The following KRTAP5-11 variants were observed in gnomAD, a reference collection of about 807,000 sequenced individuals.
The protein encoded by KRTAP5-11 is keratin-associated protein 5-11.
For synonymous variants in KRTAP5-11, 88 were observed against 73.0 expected (o/e 1.21, Z -1.05); for missense variants, 202 against 188.7 (o/e 1.07, Z -0.41).
Position 71,582,706 on chromosome 11 carries a change from A to G in KRTAP5-11, c.132T>C (p.Pro44=), listed in dbSNP as rs1379168739. The G allele has an allele frequency of 6.2e-7, 1 of 1,612,368 alleles. No homozygotes were observed. Among genetic ancestry groups the G allele is most frequent in the East Asian group, 2.2e-5 (1 of 44,840 alleles). Residue 44 remains proline, a synonymous_variant, in exon 1 of 1, where the codon CCT becomes CCC. Coordinates refer to ENST00000398530, the MANE Select transcript of KRTAP5-11 (RefSeq NM_001005405.3). ...AACAGGCTGGCACACAGCAGCACAC[A>G]GGCTTGCAGCAGCAAATGGGCACAC... ...SCCVPICCCK[P]VCCCVPACSC...
Position 71,582,755 on chromosome 11 carries a change from C to T in KRTAP5-11, c.83G>A (p.Cys28Tyr). The T allele has an allele frequency of 6.5e-7, 1 of 1,530,138 alleles. No homozygotes were observed. The highest frequency in any genetic ancestry group is 8.8e-7 in the Non-Finnish European group (1 of 1,136,608). The allele number at this position is 1,530,138 out of a possible 1,614,324, so 94.8% of individuals were successfully genotyped here. The change falls in exon 1 of 1, where the codon TGT becomes TAT. Residue 28 changes from cysteine to tyrosine, a missense_variant. Transcript: ENST00000398530. Reference sequence around the variant, plus strand: ...ACAGCAGCTGGAGCCACAGCCCCCACAGCCAGAGCCACAGCCCCCACTGCC... The same window carrying T: ...ACAGCAGCTGGAGCCACAGCCCCCATAGCCAGAGCCACAGCCCCCACTGCC... The part of the protein sequence containing the change: ...GSGSGGCGSG[C>Y]GGCGSSCCVP...
Position 71,582,719 on chromosome 11 carries a change from C to G in KRTAP5-11, c.119G>C (p.Cys40Ser). Reference sequence around the variant, plus strand: ...ACAGCAGCACACAGGCTTGCAGCAGCAAATGGGCACACAGCAGCTGGAGCC... The same window carrying G: ...ACAGCAGCACACAGGCTTGCAGCAGGAAATGGGCACACAGCAGCTGGAGCC... ...GCGSSCCVPI[C>S]CCKPVCCCVP... The change falls in exon 1 of 1, where the codon TGC becomes TCC. Residue 40 changes from cysteine (C) to serine (S), a missense_variant. Physicochemically the swap from Cys to Ser is moderately radical, Grantham distance 112. Coordinates refer to ENST00000398530, the MANE Select transcript of KRTAP5-11 (RefSeq NM_001005405.3). The G allele has an allele frequency of 6.2e-7, 1 of 1,613,340 alleles. No homozygotes were observed. Among genetic ancestry groups the G allele is most frequent in the Non-Finnish European group, 8.5e-7 (1 of 1,179,806 alleles).
rs1170779288 is a variant in KRTAP5-11 at position 71,582,873 on chromosome 11, G to A, written c.-36C>T. 6.2e-7 allele frequency: 1 copy of A among 1,613,812 alleles called. No individual in the cohort carries two copies. The highest frequency in any genetic ancestry group is 8.5e-7 in the Non-Finnish European group (1 of 1,179,924). On this transcript the variant is annotated 5_prime_UTR_variant, in exon 1 of 1. Coordinates refer to ENST00000398530, the MANE Select transcript of KRTAP5-11 (RefSeq NM_001005405.3). ...GATTGAGAGTAGAGCAGGTAGAGGA[G>A]CAGGTGAGAGGGAGGTGCAGGTGTG...
rs1322558946 is a variant in KRTAP5-11, at chr11:71,582,059, G to T, written c.*308C>A. ...CACTCAGGAATGTCGGCCTGGCCTT[G>T]TGGGGTCAGACCTAGCATCTCAGTC... On this transcript the variant is annotated 3_prime_UTR_variant, in exon 1 of 1. Transcript: ENST00000398530. 11 of 512,772 alleles carry T rather than the reference G, an allele frequency of 2.1e-5. No homozygotes were observed. The highest frequency in any genetic ancestry group is 3.5e-5 in the Non-Finnish European group (10 of 282,208). 31.8% of individuals were successfully genotyped at this position (512,772 alleles called of 1,614,324 possible). A position where few individuals can be genotyped will look rare whatever the true frequency, so the allele number is the denominator to read the frequency against.
rs965840573 is a variant in KRTAP5-11 at position 71,582,105 on chromosome 11, A to G, written c.*262T>C. ...CAGTCAGCCCAGGGAGAAGAAGAAG[A>G]TGGTCCACACCCAAGTGCAGGGAAC... On this transcript the variant is annotated 3_prime_UTR_variant, in exon 1 of 1. Transcript: ENST00000398530. 2.9e-6 allele frequency: 2 copies of G among 684,534 alleles called. No individual in the cohort carries two copies. The highest frequency in any genetic ancestry group is 6.1e-5 in the Admixed American group (2 of 32,688). The allele number at this position is 684,534 out of a possible 1,614,324, so 42.4% of individuals were successfully genotyped here. A position where few individuals can be genotyped will look rare whatever the true frequency, so the allele number is the denominator to read the frequency against.
chr11:71,582,538 G>A lies in KRTAP5-11; in HGVS notation c.300C>T (p.Phe100=). The change falls in exon 1 of 1, where the codon TTC becomes TTT. Residue 100 remains phenylalanine, a synonymous_variant. Transcript: ENST00000398530. The part of the protein sequence containing the change: ...PCCSSSGCGS[F]CCQSSCSKPC... The stretch of plus-strand genomic sequence containing the variant: ...GTTTGGAGCAGCTGGACTGGCAGCA[G>A]AATGACCCACAGCCTGAGGAGGAGC... 6.2e-7 allele frequency: 1 copy of A among 1,613,822 alleles called. No homozygotes were observed. Among genetic ancestry groups the A allele is most frequent in the South Asian group, 1.1e-5 (1 of 91,058 alleles).
In KRTAP5-11 at chr11:71,582,760, AGAGCCACAGCCCCCACTGCCG is replaced by A. The variant is rs750194493; in HGVS notation, c.57_77del (p.Ser21_Gly27del). The A allele has an allele frequency of 2.2e-5, 33 of 1,529,660 alleles. No individual in the cohort carries two copies. The highest frequency in any genetic ancestry group is 2.4e-5 in the Non-Finnish European group (27 of 1,136,424). 94.8% of individuals were successfully genotyped at this position (1,529,660 alleles called of 1,614,324 possible). A position where few individuals can be genotyped will look rare whatever the true frequency, so the allele number is the denominator to read the frequency against. ...AGCTGGAGCCACAGCCCCCACAGCC[AGAGCCACAGCCCCCACTGCCG>A]GAGCCACAGCCCCCACAGCCAGAGC... On this transcript the variant is annotated inframe_deletion, in exon 1 of 1. Transcript: ENST00000398530.
In KRTAP5-11 at chr11:71,582,582, TG is replaced by T. The variant is rs760182210; in HGVS notation, c.255del (p.Asn86ThrfsTer85). 10 of 1,613,944 alleles carry T rather than the reference TG, an allele frequency of 6.2e-6. No individual in the cohort carries two copies. In the African/African-American group the frequency reaches 1.1e-4, roughly 17 times the overall value. On this transcript the variant is annotated frameshift_variant, in exon 1 of 1. Coordinates refer to ENST00000398530, the MANE Select transcript of KRTAP5-11 (RefSeq NM_001005405.3). LOFTEE classifies it low-confidence loss of function (END_TRUNC). ...GGCGSCGCSQSNCCKPCCSSS... is the reference protein window; with the variant it reads ...GGCGSCGCSQXNCCKPCCSSS... ...GAGGAGCAGCAGGGCTTACAGCAGT[TG>T]GACTGGGAGCAGCCACAAGAACCAC... is the stretch of plus-strand genomic sequence containing the variant.
In KRTAP5-11 at chr11:71,582,639, A is replaced by T. The variant is rs779127333; in HGVS notation, c.199T>A (p.Cys67Ser). ...CGSCGGSKGG[C>S]GSCGSSKGGC... ...CCCTTGGAGCTCCCACAAGAGCCAC[A>T]GCCCCCTTTGGAGCCCCCACAGGAG... is the stretch of plus-strand genomic sequence containing the variant. Residue 67 changes from cysteine (C) to serine (S), a missense_variant, in exon 1 of 1, where the codon TGT becomes AGT. Physicochemically the swap from Cys to Ser is moderately radical, Grantham distance 112. Transcript: ENST00000398530. The T allele has an allele frequency of 1.2e-6, 2 of 1,614,068 alleles. No homozygotes were observed. Among genetic ancestry groups the T allele is most frequent in the African/African-American group, 1.3e-5 (1 of 75,046 alleles).
At position 71,582,435 on chromosome 11, in the gene KRTAP5-11, T is replaced by A. The variant is rs1325407822; in HGVS notation, c.403A>T (p.Ser135Cys). The A allele has an allele frequency of 5.6e-6, 9 of 1,613,542 alleles. No individual in the cohort carries two copies. The highest frequency in any genetic ancestry group is 7.6e-6 in the Non-Finnish European group (9 of 1,179,890). ...CCCQSSCCQSSCFKPCCCQSS... is the reference protein window; with the variant it reads ...CCCQSSCCQSCCFKPCCCQSS... The stretch of plus-strand genomic sequence containing the variant: ...TGGCAGCAGCAGGGCTTGAAGCAGC[T>A]AGACTGGCAGCAGCTGGATTGGCAG... Residue 135 changes from serine (S) to cysteine (C), a missense_variant, in exon 1 of 1, where the codon AGC (serine) becomes TGC (cysteine). Coordinates refer to ENST00000398530, the MANE Select transcript of KRTAP5-11 (RefSeq NM_001005405.3).
chr11:71,582,615 C>A lies in KRTAP5-11; in HGVS notation c.223G>T (p.Gly75Cys), dbSNP rs752584149. The A allele has an allele frequency of 1.9e-6, 3 of 1,614,078 alleles. No homozygotes were observed. In the South Asian group the frequency reaches 3.3e-5, roughly 18 times the overall value. The part of the protein sequence containing the change: ...GGCGSCGSSK[G>C]GCGSCGCSQS... ...GAGCAGCCACAAGAACCACACCCAC[C>A]CTTGGAGCTCCCACAAGAGCCACAG... The change falls in exon 1 of 1, where the codon GGT (glycine) becomes TGT (cysteine). Residue 75 changes from glycine (G) to cysteine (C), a missense_variant. Coordinates refer to ENST00000398530, the MANE Select transcript of KRTAP5-11 (RefSeq NM_001005405.3).
chr11:71,582,288 G>A lies in KRTAP5-11; in HGVS notation c.*79C>T. On this transcript the variant is annotated 3_prime_UTR_variant, in exon 1 of 1. Transcript: ENST00000398530. Reference sequence around the variant, plus strand: ...AGGTGCAGGTGCCTCAGGATGATGTGTGGGATGAACTGATTCAGAGAAACC... The same window carrying A: ...AGGTGCAGGTGCCTCAGGATGATGTATGGGATGAACTGATTCAGAGAAACC... 6.2e-7 allele frequency: 1 copy of A among 1,603,286 alleles called. No homozygotes were observed. The highest frequency in any genetic ancestry group is 8.5e-7 in the Non-Finnish European group (1 of 1,173,436).
In KRTAP5-11 at chr11:71,582,871, G is replaced by A; in HGVS notation, c.-34C>T. 1 of 1,613,792 alleles carries A rather than the reference G, an allele frequency of 6.2e-7. No homozygotes were observed. Among genetic ancestry groups the A allele is most frequent in the South Asian group, 1.1e-5 (1 of 91,074 alleles). ...CGGATTGAGAGTAGAGCAGGTAGAGGAGCAGGTGAGAGGGAGGTGCAGGTG... is the reference window on the plus strand; with the variant it reads ...CGGATTGAGAGTAGAGCAGGTAGAGAAGCAGGTGAGAGGGAGGTGCAGGTG... On this transcript the variant is annotated 5_prime_UTR_variant, in exon 1 of 1. Coordinates refer to ENST00000398530, the MANE Select transcript of KRTAP5-11 (RefSeq NM_001005405.3).
Position 71,582,394 on chromosome 11 carries a change from G to T in KRTAP5-11, c.444C>A (p.Val148=). The T allele has an allele frequency of 6.2e-7, 1 of 1,614,208 alleles. No individual in the cohort carries two copies. The highest frequency in any genetic ancestry group is 8.5e-7 in the Non-Finnish European group (1 of 1,180,036). The part of the protein sequence containing the change: ...KPCCCQSSCC[V]PVCCQCKI ...AGATCTTACACTGGCAGCACACGGG[G>T]ACACAGCAGCTGGACTGGCAGCAGC... The change falls in exon 1 of 1, where the codon GTC becomes GTA. Residue 148 remains valine, a synonymous_variant. Coordinates refer to ENST00000398530, the MANE Select transcript of KRTAP5-11 (RefSeq NM_001005405.3).
rs1256948388 is a variant in KRTAP5-11, at chr11:71,582,671, C to G, written c.167G>C (p.Ser56Thr). ...CCCVPACSCS[S>T]CGSCGGSKGG... ...TTTGGAGCCCCCACAGGAGCCACAG[C>G]TGGAGCAGGAACAGGCTGGCACACA... The change falls in exon 1 of 1, where the codon AGC (serine) becomes ACC (threonine). Residue 56 changes from serine to threonine, a missense_variant. Physicochemically the swap from Ser to Thr is moderately conservative, Grantham distance 58 (BLOSUM62 1). Coordinates refer to ENST00000398530, the MANE Select transcript of KRTAP5-11 (RefSeq NM_001005405.3). 3 of 1,614,060 alleles carry G rather than the reference C, an allele frequency of 1.9e-6. No individual in the cohort carries two copies. The highest frequency in any genetic ancestry group is 2.2e-5 in the East Asian group (1 of 44,884).
At position 71,581,975 on chromosome 11, in the gene KRTAP5-11, G is replaced by A. The variant is rs1950271564; in HGVS notation, c.*392C>T. Reference sequence around the variant, plus strand: ...TCACAGGTGGGTCACAGGAGAACAGGCAGCAGCCCAGGAGGACCCAGAATC... The same window carrying A: ...TCACAGGTGGGTCACAGGAGAACAGACAGCAGCCCAGGAGGACCCAGAATC... On this transcript the variant is annotated 3_prime_UTR_variant, in exon 1 of 1. Transcript: ENST00000398530. 3.5e-6 allele frequency: 1 copy of A among 282,036 alleles called. No homozygotes were observed. The highest frequency in any genetic ancestry group is 6.8e-6 in the Non-Finnish European group (1 of 148,106). 17.5% of individuals were successfully genotyped at this position (282,036 alleles called of 1,614,324 possible).
Position 71,582,870 on chromosome 11 carries a change from G to A in KRTAP5-11, c.-33C>T. 1 of 1,613,842 alleles carries A rather than the reference G, an allele frequency of 6.2e-7. No homozygotes were observed. The highest frequency in any genetic ancestry group is 8.5e-7 in the Non-Finnish European group (1 of 1,179,946). ...GCGGATTGAGAGTAGAGCAGGTAGA[G>A]GAGCAGGTGAGAGGGAGGTGCAGGT... On this transcript the variant is annotated 5_prime_UTR_variant, in exon 1 of 1. Transcript: ENST00000398530.
In KRTAP5-11 at chr11:71,582,147, A is replaced by G; in HGVS notation, c.*220T>C. 1.0e-6 allele frequency: 1 copy of G among 976,978 alleles called. No homozygotes were observed. Among genetic ancestry groups the G allele is most frequent in the Non-Finnish European group, 1.5e-6 (1 of 668,176 alleles). 60.5% of individuals were successfully genotyped at this position (976,978 alleles called of 1,614,324 possible). On this transcript the variant is annotated 3_prime_UTR_variant, in exon 1 of 1. Transcript: ENST00000398530. ...GCAGGGAACACCATGGCGTCCAGGG[A>G]AGAACACCTCCTGCATCAAGGAAAC...
rs778259741 is a variant in KRTAP5-11, at chr11:71,582,824, C to A, written c.14G>T (p.Gly5Val). The change falls in exon 1 of 1, where the codon GGC becomes GTC. Residue 5 changes from glycine (G) to valine (V), a missense_variant. Transcript: ENST00000398530. MGCC[G>V]CSGGCGSGCG... ...GCCAGAGCCACAGCCTCCAGAACAGCCACAGCAGCCCATGATTCTGGCGGA... is the reference window on the plus strand; with the variant it reads ...GCCAGAGCCACAGCCTCCAGAACAGACACAGCAGCCCATGATTCTGGCGGA... 2 of 1,613,784 alleles carry A rather than the reference C, an allele frequency of 1.2e-6. No individual in the cohort carries two copies. Among genetic ancestry groups the A allele is most frequent in the South Asian group, 1.1e-5 (1 of 91,066 alleles).
Sources: gnomAD v4.1 joint callset for allele counts on GRCh38, gnomAD v4.1.1 for gene constraint, MANE v1.5 for transcripts, NCBI Gene and HGNC (gene_info 2026-07-23, HGNC 2026-07-21) for gene names.